Variants in MAP4K3 observed in about 807,000 individuals in gnomAD.
MAP4K3 encodes MAPK/ERK kinase kinase kinase 3.
Under a neutral mutation model 143.5 loss-of-function variants are expected in MAP4K3, and 94 were observed. That is an observed-to-expected ratio of 0.65 (90% CI 0.55 to 0.78). The LOEUF (loss-of-function observed/expected upper bound fraction) is 0.78. Ranked by LOEUF, MAP4K3 falls within the 30% of genes least tolerant of loss-of-function variation. The pLI is 0.00. For missense variants in MAP4K3, 1,077 were observed against 1,068.1 expected (o/e 1.01, Z -0.12); for synonymous variants, 416 against 347.2 (o/e 1.20, Z -2.20).
At chr2:39,283,063 A>T (rs1206362244) in intron 21 of MAP4K3, among the ~76,000 whole-genome samples, 1 of 152,224 alleles carries the variant, frequency 6.6e-6, no homozygotes, top group Non-Finnish European at 1.5e-5. Context: ...ATTTTACTAG[A>T]ACACAGATGC....
intron 21 of MAP4K3, chr2:39,283,625 G>C (rs543501160): frequency 6.6e-6 from 1 of 152,182 alleles, no homozygotes; most frequent in East Asian, 1.9e-4. Flanking sequence ...TCCAAATTTT[G>C]ATGAATTCAA....
chr2:39,258,459 C>T lies in MAP4K3; in HGVS notation c.2378-19G>A, dbSNP rs1446747212. On this transcript the variant is annotated intron_variant, in intron 30 of 33. Coordinates refer to ENST00000263881, the MANE Select transcript of MAP4K3 (RefSeq NM_003618.4). The stretch of plus-strand genomic sequence containing the variant: ...ATACAACCTAGAGGAAAAAAAGTCA[C>T]TCAGAAACTAAGATAAAAGAAGTCT... The T allele has an allele frequency of 6.2e-7, 1 of 1,601,916 alleles. No homozygotes were observed. Among genetic ancestry groups the T allele is most frequent in the Non-Finnish European group, 8.5e-7 (1 of 1,170,246 alleles).
At chr2:39,346,754 G>A (rs1375086887) in intron 3 of MAP4K3, among the ~76,000 whole-genome samples, 1 of 152,108 alleles carries the variant, frequency 6.6e-6, no homozygotes, top group Non-Finnish European at 1.5e-5. Flanking sequence ...TTACTAATGA[G>A]CTTAAGTAAT....
intron 12 of MAP4K3, among the ~76,000 whole-genome samples, chr2:39,321,317 G>A (rs868108361): frequency 1.3e-5 from 2 of 152,128 alleles, no homozygotes; most frequent in African/African-American, 4.8e-5. Context: ...TCTGAAACAT[G>A]TGCTGTGTCA....
At chr2:39,400,098 C>T (rs1483341138) in intron 1 of MAP4K3, among the ~76,000 whole-genome samples, 1 of 152,166 alleles carries the variant, frequency 6.6e-6, no homozygotes, top group East Asian at 1.9e-4. Flanking sequence ...CCCTGCTATA[C>T]TTTAGGTGTA....
At chr2:39,261,365 A>C (rs1237052714) in intron 28 of MAP4K3, among the ~76,000 whole-genome samples, 1 of 152,248 alleles carries the variant, frequency 6.6e-6, no homozygotes, top group East Asian at 1.9e-4. Context: ...ATAAATTCAC[A>C]TTCTGAAGGA....
At chr2:39,269,078 A>C (rs1431942163) in intron 26 of MAP4K3, among the ~76,000 whole-genome samples, 4 of 151,120 alleles carry the variant, frequency 2.6e-5, no homozygotes, top group Non-Finnish European at 5.9e-5. Flanking sequence ...TAAATTTGCC[A>C]AAGATTAGAT....
At chr2:39,308,367 G>C (rs1449559966) in intron 14 of MAP4K3, among the ~76,000 whole-genome samples, 2 of 152,072 alleles carry the variant, frequency 1.3e-5, no homozygotes, top group African/African-American at 4.8e-5. Flanking sequence ...ATTACAATAT[G>C]ATCATTTTAA....
intron 3 of MAP4K3, among the ~76,000 whole-genome samples, chr2:39,351,423 A>C (rs1665454700): frequency 6.6e-6 from 1 of 152,188 alleles, no homozygotes; most frequent in African/African-American, 2.4e-5. Context: ...CTTACTTCTA[A>C]ATTATTACTG....
At chr2:39,252,642 A>AG (rs1680196119) in intron 32 of MAP4K3, among the ~76,000 whole-genome samples, 2 of 152,274 alleles carry the variant, frequency 1.3e-5, no homozygotes, top group Admixed American at 6.5e-5. Context: ...TACTGAACAC[A>AG]AAATATTATG....
At chr2:39,293,318 G>GT in intron 16 of MAP4K3, 50 bp from the exon 17 acceptor site, 2 of 1,086,922 alleles carry the variant, frequency 1.8e-6, no homozygotes, top group South Asian at 2.9e-5. Flanking sequence ...ATTATCAAAG[G>GT]AATATCGAAT....
intron 1 of MAP4K3, among the ~76,000 whole-genome samples, chr2:39,416,373 T>A (rs919255058): frequency 5.9e-5 from 9 of 152,144 alleles, no homozygotes; most frequent in African/African-American, 2.2e-4. Flanking sequence ...TAAAACGCCT[T>A]TGCTAACTGC....
At chr2:39,430,880 C>A (rs1665262721) in intron 1 of MAP4K3, among the ~76,000 whole-genome samples, 1 of 152,222 alleles carries the variant, frequency 6.6e-6, no homozygotes, top group Admixed American at 6.5e-5. Context: ...ACCTCCTCTG[C>A]AAGGCCTGCT....
intron 2 of MAP4K3, among the ~76,000 whole-genome samples, chr2:39,356,878 G>A (rs1289775871): frequency 1.3e-5 from 2 of 152,104 alleles, no homozygotes; most frequent in Non-Finnish European, 2.9e-5. Flanking sequence ...TTAGCACAAA[G>A]AAGTAATTCT....
chr2:39,258,587 T>G lies in MAP4K3; in HGVS notation c.2309A>C (p.Asp770Ala), dbSNP rs759091203. The G allele has an allele frequency of 6.2e-7, 1 of 1,610,940 alleles. No homozygotes were observed. Among genetic ancestry groups the G allele is most frequent in the Non-Finnish European group, 8.5e-7 (1 of 1,177,184 alleles). The change falls in exon 30 of 34, where the codon GAT becomes GCT. Residue 770 changes from aspartate (D) to alanine (A), a missense_variant and splice_region_variant. Asp to Ala is a moderately radical substitution (Grantham distance 126, BLOSUM62 -2). Coordinates refer to ENST00000263881, the MANE Select transcript of MAP4K3 (RefSeq NM_003618.4). The part of the protein sequence containing the change: ...NSTSSWFTES[D>A]TPQTNVTHVT... ...ATGAGTAACATTTGTCTGTGGGGTATCTACAATACAAACAAATTTTGGTAA... is the reference window on the plus strand; with the variant it reads ...ATGAGTAACATTTGTCTGTGGGGTAGCTACAATACAAACAAATTTTGGTAA...
intron 13 of MAP4K3, among the ~76,000 whole-genome samples, chr2:39,311,774 G>A (rs981606933): frequency 3.9e-5 from 6 of 152,214 alleles, no homozygotes; most frequent in Non-Finnish European, 7.3e-5. Flanking sequence ...AACTTTATGA[G>A]ACCTTGAGCC....
intron 21 of MAP4K3, chr2:39,283,681 G>C (rs1681638831): frequency 6.6e-6 from 1 of 152,172 alleles, no homozygotes; most frequent in South Asian, 2.1e-4. Flanking sequence ...ATAAGGAGAA[G>C]AAATGTAACA....
intron 28 of MAP4K3, among the ~76,000 whole-genome samples, chr2:39,263,313 C>T (rs1345437416): frequency 7.0e-6 from 1 of 143,520 alleles, no homozygotes; most frequent in Non-Finnish European, 1.5e-5. Flanking sequence ...CGCTCTGTGG[C>T]CCAGGCGGGA....
chr2:39,354,803 C>A (rs1435058948), intron 3 of MAP4K3, among the ~76,000 whole-genome samples: 3 of 152,118 alleles, frequency 2.0e-5, no homozygotes, highest in Non-Finnish European at 4.4e-5. Flanking sequence ...GATGACAGGG[C>A]AGAATACCCT....
Sources: allele counts gnomAD v4.1 joint callset (sites outside exome capture counted in the v4.1 genomes callset), GRCh38; gene constraint gnomAD v4.1.1; transcripts MANE v1.5; gene names NCBI Gene and HGNC (gene_info 2026-07-23, HGNC 2026-07-21).